The following POF1B variants were observed in gnomAD, a reference collection of about 807,000 sequenced individuals.
The protein encoded by POF1B is protein POF1B.
A neutral mutation model predicts 55.3 loss-of-function variants in POF1B; 53 were observed. The ratio of observed to expected loss-of-function variants is 0.96; its 90% CI spans 0.77 to 1.20. The LOEUF (loss-of-function observed/expected upper bound fraction) is 1.20. Among genes scored for constraint, POF1B ranks in the 50% most tolerant of loss-of-function variants. The pLI is 0.00. For missense variants in POF1B, 478 were observed against 420.5 expected, an observed-to-expected ratio of 1.14 and a Z score of -1.20; for synonymous variants, 188 against 148.3, an observed-to-expected ratio of 1.27 and a Z score of -1.95.
At chrX:85,349,072 A>G (rs1039321566) in intron 5 of POF1B, among the ~76,000 whole-genome samples, 11 of 111,209 alleles carry the variant, frequency 9.9e-5, no homozygotes, top group Non-Finnish European at 1.7e-4. Flanking sequence ...GTCCAGAAAT[A>G]TTCTGCTGCT....
intron 7 of POF1B, among the ~76,000 whole-genome samples, chrX:85,320,160 G>T (rs1932822600): frequency 9.0e-6 from 1 of 110,725 alleles, no homozygotes; most frequent in African/African-American, 3.3e-5. Context: ...TGTGCATAAG[G>T]GTGTTTGTAA....
intron 11 of POF1B, 94 bp from the exon 12 acceptor site, chrX:85,306,427 T>A: frequency 1.1e-6 from 1 of 887,792 alleles, no homozygotes; most frequent in Non-Finnish European, 1.6e-6. Flanking sequence ...ATCAAGTAAA[T>A]ATTTTCCTAT....
chrX:85,292,234 A>G (rs1932206640), intron 15 of POF1B, among the ~76,000 whole-genome samples: 1 of 112,135 alleles, frequency 8.9e-6, no homozygotes, highest in Admixed American at 9.5e-5. Flanking sequence ...GTGATAAATC[A>G]CAGTTATTAA....
chrX:85,326,869 C>T (rs1459069229), intron 7 of POF1B, among the ~76,000 whole-genome samples: 3 of 110,055 alleles, frequency 2.7e-5, no homozygotes, highest in Non-Finnish European at 5.7e-5. Flanking sequence ...AGGAGGCACC[C>T]CACCTGGGCA....
chrX:85,278,008 A>G lies in POF1B; in HGVS notation c.*1413T>C, dbSNP rs1029186670. ...TCATGAATAATATTAACATTTTTCT[A>G]TCACAAAATATTGATAAAATTGGAA... On this transcript the variant is annotated 3_prime_UTR_variant, in exon 17 of 17. Transcript: ENST00000262753. 1 of 111,155 alleles carries G rather than the reference A, an allele frequency of 9.0e-6. No homozygotes were observed. Among genetic ancestry groups the G allele is most frequent in the Non-Finnish European group, 1.9e-5 (1 of 52,620 alleles). The allele number at this position is 111,155 out of a possible 1,213,427, so 9.2% of individuals were successfully genotyped here. A position where few individuals can be genotyped will look rare whatever the true frequency, so the allele number is the denominator to read the frequency against.
chrX:85,297,203 C>A (rs1932327314), intron 15 of POF1B, among the ~76,000 whole-genome samples: 1 of 111,981 alleles, frequency 8.9e-6, no homozygotes, highest in Non-Finnish European at 1.9e-5. Context: ...CATCCAGATT[C>A]TGAACTTTAT....
chrX:85,366,631 A>G (rs1603079991), intron 3 of POF1B, among the ~76,000 whole-genome samples: 2 of 111,701 alleles, frequency 1.8e-5, no homozygotes, highest in Admixed American at 9.5e-5. Context: ...AAGTGAATCA[A>G]TCTCACTTTG....
At chrX:85,311,560 C>T (rs187703655) in intron 9 of POF1B, among the ~76,000 whole-genome samples, 23 of 111,519 alleles carry the variant, frequency 2.1e-4, no homozygotes, top group Admixed American at 1.4e-3. Context: ...TTCCATGGTG[C>T]GTATGTCCCA....
intron 7 of POF1B, among the ~76,000 whole-genome samples, chrX:85,321,849 T>A (rs1348090766): frequency 1.9e-5 from 2 of 108,072 alleles, no homozygotes; most frequent in African/African-American, 6.9e-5. Flanking sequence ...CACAATTGCT[T>A]AAAAGAGAAT....
At chrX:85,284,567 T>A (rs1017491773) in intron 15 of POF1B, among the ~76,000 whole-genome samples, 3 of 111,435 alleles carry the variant, frequency 2.7e-5, no homozygotes, top group East Asian at 5.6e-4. Flanking sequence ...AGGATTCCCT[T>A]TTTAATAAAT....
intron 16 of POF1B, 75 bp from the exon 17 acceptor site, chrX:85,279,501 G>T: frequency 9.8e-7 from 1 of 1,018,221 alleles, no homozygotes; most frequent in African/African-American, 1.9e-5. Flanking sequence ...CAAAGTTATG[G>T]AAAATTATTT....
rs747981127 is a variant in POF1B, at chrX:85,330,966, C to A, written c.837G>T (p.Leu279Phe). 1 of 1,191,252 alleles carries A rather than the reference C, an allele frequency of 8.4e-7. No individual in the cohort carries two copies. Among genetic ancestry groups the A allele is most frequent in the Non-Finnish European group, 1.1e-6 (1 of 885,901 alleles). ...TACAGTACCTTCCTCCAATTCTCTG[C>A]AAATGTTCTAATAAGCAGTGATATA... ...TDLYHCLLEH[L>F]QRIGGSKQDF... Residue 279 changes from leucine to phenylalanine, a missense_variant, in exon 7 of 17, where the codon TTG (leucine) becomes TTT (phenylalanine). By Grantham distance (22) the Leu-to-Phe change is conservative. Coordinates refer to ENST00000262753, the MANE Select transcript of POF1B (RefSeq NM_024921.4).
At chrX:85,285,939 T>C (rs1932044205) in intron 15 of POF1B, among the ~76,000 whole-genome samples, 1 of 111,756 alleles carries the variant, frequency 8.9e-6, no homozygotes, top group Non-Finnish European at 1.9e-5. Context: ...TAAAAAATGT[T>C]AAAAGAAGTT....
chrX:85,371,000 T>C (rs1003687404), intron 2 of POF1B, among the ~76,000 whole-genome samples: 2 of 111,907 alleles, frequency 1.8e-5, no homozygotes, highest in Non-Finnish European at 3.8e-5. Context: ...CAGCCCCACA[T>C]TCCTGATGAC....
At chrX:85,322,131 G>T (rs911652285) in intron 7 of POF1B, among the ~76,000 whole-genome samples, 1 of 110,845 alleles carries the variant, frequency 9.0e-6, no homozygotes, top group Non-Finnish European at 1.9e-5. Context: ...AGCCCGCATC[G>T]CCAAGTCAAT....
At chrX:85,356,686 C>T (rs989474715) in intron 4 of POF1B, among the ~76,000 whole-genome samples, 1 of 111,238 alleles carries the variant, frequency 9.0e-6, no homozygotes, top group African/African-American at 3.3e-5. Context: ...TTTTAGATGT[C>T]TCAACAAATG....
chrX:85,379,508 CAG>C lies in POF1B; in HGVS notation c.-41-15_-41-14del. ...CCAGATGTTCTACCTAAGGAACAAA[CAG>C]AGAAATATAATGGAAAAAAAAGACA... On this transcript the variant is annotated splice_polypyrimidine_tract_variant and intron_variant, in intron 1 of 16. Coordinates refer to ENST00000262753, the MANE Select transcript of POF1B (RefSeq NM_024921.4). 2 of 1,151,505 alleles carry C rather than the reference CAG, an allele frequency of 1.7e-6. No homozygotes were observed. The highest frequency in any genetic ancestry group is 2.3e-6 in the Non-Finnish European group (2 of 858,381). The allele number at this position is 1,151,505 out of a possible 1,213,427, so 94.9% of individuals were successfully genotyped here. A position where few individuals can be genotyped will look rare whatever the true frequency, so the allele number is the denominator to read the frequency against.
intron 4 of POF1B, among the ~76,000 whole-genome samples, chrX:85,358,181 T>C (rs779744720): frequency 3.6e-5 from 4 of 111,772 alleles, no homozygotes; most frequent in Non-Finnish European, 7.6e-5. Flanking sequence ...AATGCTAATA[T>C]CAAGGTTAAT....
At chrX:85,291,812 A>C (rs1164084977) in intron 15 of POF1B, among the ~76,000 whole-genome samples, 6 of 111,243 alleles carry the variant, frequency 5.4e-5, no homozygotes, top group East Asian at 2.9e-4. Flanking sequence ...CAGCTTAAGA[A>C]ACTTTTGGAC....
Sources: gnomAD v4.1 joint callset for allele counts (sites outside exome capture counted in the v4.1 genomes callset) on GRCh38, gnomAD v4.1.1 for gene constraint, MANE v1.5 for transcripts, NCBI Gene and HGNC (gene_info 2026-07-23, HGNC 2026-07-21) for gene names.